Variants in GPC6 observed in about 807,000 individuals in gnomAD.
The protein encoded by GPC6 is glypican-6.
In GPC6, 14 loss-of-function variants were observed where a neutral mutation model predicts 55.2. The ratio of observed to expected loss-of-function variants is 0.25; its 90% confidence interval spans 0.17 to 0.40. The LOEUF is 0.40. Ranked by LOEUF, GPC6 falls within the 10% of genes least tolerant of loss-of-function variation. GPC6 has a pLI of 1.00. For synonymous variants in GPC6, 278 were observed against 259.6 expected, an observed-to-expected ratio of 1.07 and a Z score of -0.68; for missense variants, 641 against 708.5, an observed-to-expected ratio of 0.90 and a Z score of 1.08.
intron 1 of GPC6, among the ~76,000 whole-genome samples, chr13:93,540,068 AT>A (rs947604916): frequency 2.0e-5 from 3 of 151,792 alleles, no homozygotes; most frequent in African/African-American, 7.3e-5. Flanking sequence ...TACTTGGTCG[AT>A]TTTTTTTGTG....
At chr13:93,383,446 G>A (rs1449557643) in intron 1 of GPC6, among the ~76,000 whole-genome samples, 1 of 152,076 alleles carries the variant, frequency 6.6e-6, no homozygotes, top group Non-Finnish European at 1.5e-5. Context: ...GGAACTCCTG[G>A]CCTCAAGCAA....
intron 1 of GPC6, among the ~76,000 whole-genome samples, chr13:93,351,601 C>T (rs939651210): frequency 6.6e-6 from 1 of 152,030 alleles, no homozygotes; most frequent in African/African-American, 2.4e-5. Context: ...ATGTTCCCAA[C>T]ACAAAGAATG....
chr13:93,846,466 T>TG (rs1219637713), intron 3 of GPC6, among the ~76,000 whole-genome samples: 1 of 152,218 alleles, frequency 6.6e-6, no homozygotes, highest in African/African-American at 2.4e-5. Flanking sequence ...CAAAACTCAA[T>TG]GGTCTATGGT....
At chr13:94,074,885 A>G (rs369146641) in intron 4 of GPC6, among the ~76,000 whole-genome samples, 4 of 152,236 alleles carry the variant, frequency 2.6e-5, no homozygotes, top group African/African-American at 4.8e-5. Context: ...AATATGGTAC[A>G]GTCAATTAAC....
chr13:93,444,444 T>C (rs1255836815), intron 1 of GPC6, among the ~76,000 whole-genome samples: 1 of 152,048 alleles, frequency 6.6e-6, no homozygotes, highest in Non-Finnish European at 1.5e-5. Context: ...TCGTCCCTAC[T>C]AAAAATACAA....
rs9561302 is a variant in GPC6, at chr13:93,311,867, G to A, written c.160+84251G>A. Among the ~76,000 whole-genome samples the A allele has an allele frequency of 1.8e-3, 281 of 152,160 alleles. 8 individuals are homozygous for A. In the East Asian group the frequency reaches 0.049, roughly 27 times the overall value. On this transcript the variant is annotated intron_variant, in intron 1 of 8. Coordinates refer to ENST00000377047, the MANE Select transcript of GPC6 (RefSeq NM_005708.5). ...TCTTCCAGCTTCTCGCCTGGATGTC[G>A]GTTAACTACTGAGGGTACAAAGGCA...
chr13:93,550,669 A>AT (rs1385304530), intron 2 of GPC6, among the ~76,000 whole-genome samples: 1 of 152,056 alleles, frequency 6.6e-6, no homozygotes, highest in South Asian at 2.1e-4. Context: ...TAACGTAATG[A>AT]TTTTTTTAAT....
At chr13:93,715,338 C>T (rs1883215567) in intron 2 of GPC6, among the ~76,000 whole-genome samples, 1 of 151,562 alleles carries the variant, frequency 6.6e-6, no homozygotes, top group Non-Finnish European at 1.5e-5. Context: ...AGGCCATTAT[C>T]CTAAGAAAAT....
intron 1 of GPC6, among the ~76,000 whole-genome samples, chr13:93,373,950 G>T (rs1053784879): frequency 2.0e-5 from 3 of 152,114 alleles, no homozygotes; most frequent in Non-Finnish European, 4.4e-5. Context: ...TGCCTCAAAT[G>T]TCCTGAGCCC....
chr13:93,952,347 G>T (rs566910541), intron 3 of GPC6, among the ~76,000 whole-genome samples: 5 of 152,188 alleles, frequency 3.3e-5, no homozygotes, highest in African/African-American at 7.2e-5. Flanking sequence ...GGAAAGAACT[G>T]TATGAATATT....
chr13:93,709,407 A>ATT lies in GPC6; in HGVS notation c.320-120739_320-120738dup, dbSNP rs570908478. On this transcript the variant is annotated intron_variant, in intron 2 of 8. Transcript: ENST00000377047. Reference sequence around the variant, plus strand: ...CACCCTCTTGGTAATAACCTTACATATTTTTTTTTGCTTTTAAAGTAGAAT... The same window carrying ATT: ...CACCCTCTTGGTAATAACCTTACATATTTTTTTTTTTGCTTTTAAAGTAGAAT... Among the ~76,000 whole-genome samples, 477 of 150,518 alleles carry ATT rather than the reference A, an allele frequency of 3.2e-3. 2 individuals are homozygous for ATT. Among genetic ancestry groups the ATT allele is most frequent in the African/African-American group, 0.01 (431 of 41,132 alleles).
At chr13:93,515,482 G>A (rs1433951700) in intron 1 of GPC6, among the ~76,000 whole-genome samples, 2 of 152,108 alleles carry the variant, frequency 1.3e-5, no homozygotes, top group African/African-American at 4.8e-5. Flanking sequence ...GAGATGGATT[G>A]GAGCTTGGAT....
intron 3 of GPC6, among the ~76,000 whole-genome samples, chr13:93,929,171 C>G (rs186339089): frequency 6.6e-6 from 1 of 152,292 alleles, no homozygotes. Flanking sequence ...GCTTGCCTTT[C>G]AGGTCAAAAG....
At chr13:93,998,302 A>G (rs1030976120) in intron 3 of GPC6, among the ~76,000 whole-genome samples, 1 of 152,252 alleles carries the variant, frequency 6.6e-6, no homozygotes, top group Non-Finnish European at 1.5e-5. Flanking sequence ...CTTGATTGTA[A>G]GTTTATATAA....
chr13:93,518,092 CA>C, intron 1 of GPC6, among the ~76,000 whole-genome samples: 1 of 151,804 alleles, frequency 6.6e-6, no homozygotes, highest in South Asian at 2.1e-4. Context: ...AACAGTTTTT[CA>C]GTTTTGTTTG....
chr13:93,231,393 A>ATT (rs1555336148), intron 1 of GPC6, among the ~76,000 whole-genome samples: 2 of 24,888 alleles, frequency 8.0e-5, no homozygotes, highest in Admixed American at 6.0e-4. Flanking sequence ...ATATATATAT[A>ATT]TATGTATATA....
chr13:93,308,481 G>A (rs1878953730), intron 1 of GPC6, among the ~76,000 whole-genome samples: 1 of 152,170 alleles, frequency 6.6e-6, no homozygotes, highest in Admixed American at 6.5e-5. Flanking sequence ...TGGCTCTGTT[G>A]TCTAGGCTGG....
chr13:94,304,808 C>G (rs537013828), intron 5 of GPC6, among the ~76,000 whole-genome samples: 10 of 152,190 alleles, frequency 6.6e-5, no homozygotes, highest in Non-Finnish European at 1.3e-4. Flanking sequence ...TTTCCCATAG[C>G]AATCTTAATT....
intron 3 of GPC6, among the ~76,000 whole-genome samples, chr13:93,875,316 G>A (rs1889256237): frequency 1.3e-5 from 2 of 151,922 alleles, no homozygotes; most frequent in African/African-American, 2.4e-5. Context: ...TGTTTAAGAT[G>A]ACTCTTCTCG....
Sources: allele counts gnomAD v4.1 joint callset (sites outside exome capture counted in the v4.1 genomes callset), GRCh38; gene constraint gnomAD v4.1.1; transcripts MANE v1.5; gene names NCBI Gene and HGNC (gene_info 2026-07-23, HGNC 2026-07-21).